Variants in POLR3B observed in about 807,000 individuals in gnomAD.
The protein encoded by POLR3B is RNA polymerase III subunit B, also known as DNA-directed RNA polymerase III subunit RPC2.
Under a neutral mutation model 147.4 loss-of-function variants are expected in POLR3B, and 96 were observed. The observed-to-expected ratio is 0.65, with a 90% confidence interval of 0.55 to 0.77. POLR3B has a LOEUF of 0.77. POLR3B is among the 30% of genes least tolerant of loss of function. The pLI is 0.00. For synonymous variants in POLR3B, 461 were observed against 485.9 expected (o/e 0.95, Z 0.67); for missense variants, 1,036 against 1,413.5 (o/e 0.73, Z 4.28).
intron 15 of POLR3B, 95 bp from the exon 16 acceptor site, chr12:106,433,624 C>T: frequency 1.0e-6 from 1 of 983,142 alleles, no homozygotes; most frequent in South Asian, 1.5e-5. Flanking sequence ...CAAATAACTG[C>T]TTAGTGCTGA....
intron 26 of POLR3B, among the ~76,000 whole-genome samples, chr12:106,503,093 AT>A (rs1015767901): frequency 3.0e-4 from 46 of 152,250 alleles, no homozygotes; most frequent in African/African-American, 1.1e-3. Flanking sequence ...GCAACTACCC[AT>A]TTGTGTTTCT....
intron 9 of POLR3B, among the ~76,000 whole-genome samples, chr12:106,382,345 C>T (rs537007268): frequency 1.3e-5 from 2 of 152,308 alleles, no homozygotes; most frequent in South Asian, 2.1e-4. Flanking sequence ...GATGATATTC[C>T]TGCCTAACTA....
chr12:106,468,542 C>T (rs192637363), intron 23 of POLR3B, among the ~76,000 whole-genome samples: 13 of 152,198 alleles, frequency 8.5e-5, no homozygotes, highest in African/African-American at 2.2e-4. Flanking sequence ...GTTAGGGTGT[C>T]GATTTTAGAT....
intron 9 of POLR3B, among the ~76,000 whole-genome samples, chr12:106,380,912 A>G (rs1369616554): frequency 1.3e-5 from 2 of 152,372 alleles, no homozygotes; most frequent in Middle Eastern, 3.4e-3. Flanking sequence ...CTAATATCAC[A>G]GTAAAGTGAG....
At chr12:106,414,221 T>A (rs373157304) in intron 12 of POLR3B, among the ~76,000 whole-genome samples, 36 of 121,084 alleles carry the variant, frequency 3.0e-4, no homozygotes, top group Non-Finnish European at 3.6e-4. Flanking sequence ...GATACAAAAG[T>A]AAAAAAAAAA....
At chr12:106,452,769 T>C (rs1016829791) in intron 19 of POLR3B, among the ~76,000 whole-genome samples, 2 of 152,218 alleles carry the variant, frequency 1.3e-5, no homozygotes, top group African/African-American at 4.8e-5. Flanking sequence ...CAATTTATAG[T>C]GCAACCTTGA....
chr12:106,391,751 G>A (rs542790488), intron 9 of POLR3B, among the ~76,000 whole-genome samples: 1 of 152,176 alleles, frequency 6.6e-6, no homozygotes, highest in South Asian at 2.1e-4. Flanking sequence ...CAGATCTCTG[G>A]ACTTTTAGAT....
intron 20 of POLR3B, among the ~76,000 whole-genome samples, chr12:106,456,747 G>C (rs1371400739): frequency 1.3e-5 from 2 of 152,116 alleles, no homozygotes; most frequent in African/African-American, 4.8e-5. Flanking sequence ...CTCACTCCTA[G>C]TGCCTGTAAA....
intron 9 of POLR3B, among the ~76,000 whole-genome samples, chr12:106,388,563 A>G (rs185967288): frequency 5.4e-4 from 82 of 152,234 alleles, no homozygotes; most frequent in African/African-American, 1.9e-3. Context: ...TGATCTGCCC[A>G]CCTTAGCCTC....
intron 9 of POLR3B, among the ~76,000 whole-genome samples, chr12:106,385,313 C>T (rs920597490): frequency 6.6e-6 from 1 of 151,990 alleles, no homozygotes; most frequent in East Asian, 1.9e-4. Flanking sequence ...TAATGATAAC[C>T]GATTGTATAT....
chr12:106,364,722 G>A (rs2036509529), intron 2 of POLR3B, among the ~76,000 whole-genome samples: 1 of 152,220 alleles, frequency 6.6e-6, no homozygotes. Flanking sequence ...GCTGCTGGAT[G>A]GATACACAAA....
chr12:106,427,414 T>C (rs553416197), intron 13 of POLR3B, 56 bp downstream of exon 13: 1 of 1,464,484 alleles, frequency 6.8e-7, no homozygotes, highest in South Asian at 1.1e-5. Context: ...ACCTATTCAA[T>C]AGAACAGAAA....
chr12:106,413,899 G>A (rs1372622375), intron 12 of POLR3B, among the ~76,000 whole-genome samples: 3 of 151,706 alleles, frequency 2.0e-5, no homozygotes, highest in African/African-American at 4.8e-5. Flanking sequence ...TACTTTTATA[G>A]AAGTCTTTTT....
chr12:106,396,440 T>C (rs1415653175), intron 10 of POLR3B, among the ~76,000 whole-genome samples: 1 of 152,228 alleles, frequency 6.6e-6, no homozygotes, highest in Non-Finnish European at 1.5e-5. Flanking sequence ...AATCTTATCA[T>C]GGGGACAGAG....
In POLR3B at chr12:106,496,902, A is replaced by T; in HGVS notation, c.2968A>T (p.Thr990Ser). Residue 990 changes from threonine to serine, a missense_variant, in exon 25 of 28, where the codon ACA becomes TCA. Physicochemically the swap from Thr to Ser is moderately conservative, Grantham distance 58. Transcript: ENST00000228347. Reference sequence around the variant, plus strand: ...TAACTACTTGGGGAAAGACTATGTTACATCCGGCATCACAGGGTAAGCATG... The same window carrying T: ...TAACTACTTGGGGAAAGACTATGTTTCATCCGGCATCACAGGGTAAGCATG... ...GYNYLGKDYV[T>S]SGITGEPLEA... 6.2e-7 allele frequency: 1 copy of T among 1,614,060 alleles called. No homozygotes were observed. The highest frequency in any genetic ancestry group is 1.1e-5 in the South Asian group (1 of 91,072).
rs1220888412 is a variant in POLR3B at position 106,437,757 on chromosome 12, C to T, written c.1933C>T (p.Leu645=). The T allele has an allele frequency of 6.3e-7, 1 of 1,588,010 alleles. No homozygotes were observed. The highest frequency in any genetic ancestry group is 1.7e-5 in the Admixed American group (1 of 59,978). The change falls in exon 18 of 28, where the codon CTG becomes TTG. Residue 645 remains leucine (L), a synonymous_variant. Transcript: ENST00000228347. ...TGAAGAAAATGATTGTAACATTGCA[C>T]TGTACGAACACACAATTAATAAGTA... is the stretch of plus-strand genomic sequence containing the variant. ...VNEENDCNIA[L]YEHTINKDTT...
At chr12:106,413,507 A>T (rs1279010863) in intron 12 of POLR3B, among the ~76,000 whole-genome samples, 1 of 152,134 alleles carries the variant, frequency 6.6e-6, no homozygotes, top group Admixed American at 6.5e-5. Context: ...TAGATGAATG[A>T]TGTATACCGT....
Position 106,509,932 on chromosome 12 carries a change from T to C in POLR3B, c.*383T>C, listed in dbSNP as rs191071027. 12 of 187,974 alleles carry C rather than the reference T, an allele frequency of 6.4e-5. No homozygotes were observed. In the East Asian group the frequency reaches 1.6e-3, roughly 25 times the overall value. The allele number at this position is 187,974 out of a possible 1,614,324, so 11.6% of individuals were successfully genotyped here. A position where few individuals can be genotyped will look rare whatever the true frequency, so the allele number is the denominator to read the frequency against. The stretch of plus-strand genomic sequence containing the variant: ...TCTTCTGGCTAACCATATTCAAGAT[T>C]CTTCTGAAACTTGGAGGATGTAAAG... On this transcript the variant is annotated 3_prime_UTR_variant, in exon 28 of 28. Coordinates refer to ENST00000228347, the MANE Select transcript of POLR3B (RefSeq NM_018082.6).
At position 106,463,535 on chromosome 12, in the gene POLR3B, A is replaced by C. The variant is rs752513905; in HGVS notation, c.2628A>C (p.Glu876Asp). Residue 876 changes from glutamate to aspartate, a missense_variant, in exon 23 of 28, where the codon GAA (glutamate) becomes GAC (aspartate). Transcript: ENST00000228347. ...IEKVMISSNA[E>D]DAFLIKMLLR... Reference sequence around the variant, plus strand: ...AAGTGATGATATCTTCAAATGCTGAAGATGCTTTTCTGATCAAAATGCTGC... The same window carrying C: ...AAGTGATGATATCTTCAAATGCTGACGATGCTTTTCTGATCAAAATGCTGC... The C allele has an allele frequency of 3.1e-6, 5 of 1,613,118 alleles. No homozygotes were observed. In the South Asian group the frequency reaches 4.4e-5, roughly 14 times the overall value.
Sources: gnomAD v4.1 joint callset for allele counts (sites outside exome capture counted in the v4.1 genomes callset) on GRCh38, gnomAD v4.1.1 for gene constraint, MANE v1.5 for transcripts, NCBI Gene and HGNC (gene_info 2026-07-23, HGNC 2026-07-21) for gene names.